The following ERI3 variants were observed in gnomAD, a reference collection of about 807,000 sequenced individuals.
ERI3 encodes the protein ERI1 exoribonuclease 3.
ERI3 carries 18 observed loss-of-function variants against 44.4 expected under a neutral mutation model. The observed-to-expected ratio is 0.41, with a 90% CI of 0.28 to 0.60. The LOEUF (loss-of-function observed/expected upper bound fraction) is 0.60. Ranked by LOEUF, ERI3 falls within the 20% of genes least tolerant of loss-of-function variation. The pLI, the probability that ERI3 is intolerant of heterozygous loss-of-function variation, is 0.36. For synonymous variants in ERI3, 183 were observed against 164.8 expected (o/e 1.11, Z -0.84); for missense variants, 294 against 435.5 (o/e 0.68, Z 2.89).
intron 8 of ERI3, among the ~76,000 whole-genome samples, chr1:44,222,592 C>G (rs972348504): frequency 6.6e-6 from 1 of 152,182 alleles, no homozygotes; most frequent in Admixed American, 6.5e-5. Flanking sequence ...TGTTTCACCA[C>G]CACCACCACC....
intron 5 of ERI3, among the ~76,000 whole-genome samples, chr1:44,311,102 C>A (rs1317421500): frequency 1.3e-5 from 2 of 151,898 alleles, no homozygotes; most frequent in East Asian, 1.9e-4. Context: ...AGCATAACCT[C>A]CCCCAAGCTC....
At chr1:44,343,928 A>T (rs1039100329) in intron 2 of ERI3, among the ~76,000 whole-genome samples, 1 of 152,012 alleles carries the variant, frequency 6.6e-6, no homozygotes, top group Non-Finnish European at 1.5e-5. Flanking sequence ...GCTGTTTCAA[A>T]CGTTTTTTTA....
chr1:44,266,518 G>A (rs1644993811), intron 7 of ERI3, among the ~76,000 whole-genome samples: 1 of 152,206 alleles, frequency 6.6e-6, no homozygotes, highest in African/African-American at 2.4e-5. Context: ...ACAGTTCAAA[G>A]GGGATGGTTT....
At chr1:44,230,554 T>G (rs1043217699) in intron 8 of ERI3, 1 of 152,232 alleles carries the variant, frequency 6.6e-6, no homozygotes, top group African/African-American at 2.4e-5. Flanking sequence ...CTTTGCAAAA[T>G]GAGGACACTG....
intron 3 of ERI3, among the ~76,000 whole-genome samples, chr1:44,335,628 G>A (rs148526491): frequency 1.5e-4 from 22 of 151,678 alleles, no homozygotes; most frequent in African/African-American, 4.6e-4. Flanking sequence ...GCATGGTGGC[G>A]CATGCCTGTA....
intron 7 of ERI3, among the ~76,000 whole-genome samples, chr1:44,259,268 G>GCTGGCTGC (rs1210796265): frequency 1.3e-5 from 2 of 152,060 alleles, no homozygotes; most frequent in African/African-American, 2.4e-5. Flanking sequence ...GTAGAAGCTG[G>GCTGGCTGC]CTGGCTGCCT....
intron 5 of ERI3, among the ~76,000 whole-genome samples, chr1:44,308,727 C>T (rs1188737754): frequency 6.6e-6 from 1 of 152,198 alleles, no homozygotes; most frequent in African/African-American, 2.4e-5. Context: ...TCATTGGTCC[C>T]CTGGCCCAGC....
At chr1:44,334,848 G>A (rs971645273) in intron 3 of ERI3, among the ~76,000 whole-genome samples, 9 of 152,180 alleles carry the variant, frequency 5.9e-5, no homozygotes, top group Non-Finnish European at 1.0e-4. Context: ...TTAGTTTTTC[G>A]TGATGGCATT....
At chr1:44,342,830 T>TATAA (rs1553201373) in intron 2 of ERI3, among the ~76,000 whole-genome samples, 777 of 27,744 alleles carry the variant, frequency 0.028, 65 homozygotes, top group Non-Finnish European at 0.036. Flanking sequence ...TATATATATA[T>TATAA]ATATATATAT....
rs113743737 is a variant in ERI3, at chr1:44,348,643, T to C, written c.211+4207A>G. Among the ~76,000 whole-genome samples, 12 of 152,370 alleles carry C rather than the reference T, an allele frequency of 7.9e-5. 1 individual carries two copies. The highest frequency in any genetic ancestry group is 2.9e-4 in the African/African-American group (12 of 41,592). ...GTCTGCTTCCCAACAGTTCTGGTTC[T>C]AGCAATCATTAATTAAAACCCAACA... On this transcript the variant is annotated intron_variant, in intron 2 of 8. Coordinates refer to ENST00000372257, the MANE Select transcript of ERI3 (RefSeq NM_024066.3).
chr1:44,272,875 A>C (rs1645115153), intron 7 of ERI3, among the ~76,000 whole-genome samples: 1 of 151,788 alleles, frequency 6.6e-6, no homozygotes, highest in Non-Finnish European at 1.5e-5. Context: ...ATAAAATAAA[A>C]TAAAATAAAC....
chr1:44,266,431 T>C (rs1644992493), intron 7 of ERI3, among the ~76,000 whole-genome samples: 1 of 152,198 alleles, frequency 6.6e-6, no homozygotes, highest in Non-Finnish European at 1.5e-5. Context: ...CAGTAGACAC[T>C]AAGATTTTTC....
In ERI3 at chr1:44,275,645, G is replaced by A. The variant is rs535123242; in HGVS notation, c.831+9190C>T. Among the ~76,000 whole-genome samples the A allele has an allele frequency of 2.1e-4, 32 of 152,294 alleles. No homozygotes were observed. In the East Asian group the frequency reaches 3.5e-3, roughly 17 times the overall value. On this transcript the variant is annotated intron_variant, in intron 7 of 8. Transcript: ENST00000372257. ...AGCTGGTCCTCATCCAATCCTCTTC[G>A]GAGCACCCAGAAATTGCAGCAAGGC...
rs1427651194 is a variant in ERI3 at position 44,241,234 on chromosome 1, T to C, written c.931+6705A>G. Among the ~76,000 whole-genome samples, 2 of 152,144 alleles carry C rather than the reference T, an allele frequency of 1.3e-5. No homozygotes were observed. The highest frequency in any genetic ancestry group is 4.8e-5 in the African/African-American group (2 of 41,416). On this transcript the variant is annotated intron_variant, in intron 8 of 8. Transcript: ENST00000372257. The surrounding 1 kb of genome is among the most constrained non-coding windows in gnomAD (Gnocchi z 5.6). ...ATGAAAACACAAACTACAGATATTG[T>C]GTTTTCAGGGAGTGAAGGTGGGGAG...
chr1:44,224,240 C>T (rs192902480), intron 8 of ERI3, among the ~76,000 whole-genome samples: 1 of 152,318 alleles, frequency 6.6e-6, no homozygotes, highest in African/African-American at 2.4e-5. Flanking sequence ...TGATCATGTT[C>T]TTCTTCCTTA....
intron 7 of ERI3, among the ~76,000 whole-genome samples, chr1:44,268,047 C>A (rs1277737293): frequency 6.6e-6 from 1 of 152,182 alleles, no homozygotes; most frequent in Non-Finnish European, 1.5e-5. Context: ...TCCTCTGTCT[C>A]TTGTAAATTT....
At chr1:44,223,041 AG>A (rs1203573583) in intron 8 of ERI3, among the ~76,000 whole-genome samples, 1 of 152,234 alleles carries the variant, frequency 6.6e-6, no homozygotes, top group Admixed American at 6.5e-5. Flanking sequence ...TGCTTTGGGC[AG>A]GCAAGTCAGA....
chr1:44,305,115 C>A (rs1412107984), intron 6 of ERI3, among the ~76,000 whole-genome samples: 2 of 152,208 alleles, frequency 1.3e-5, no homozygotes, highest in Non-Finnish European at 2.9e-5. Context: ...AGCTCTTTCC[C>A]TCCAGTCTTT....
chr1:44,355,007 G>C lies in ERI3; in HGVS notation c.20C>G (p.Ala7Gly), dbSNP rs201296029. 251 of 1,387,370 alleles carry C rather than the reference G, an allele frequency of 1.8e-4. 1 individual carries two copies. Among genetic ancestry groups the C allele is most frequent in the Middle Eastern group, 3.9e-4 (2 of 5,064 alleles). 85.9% of individuals were successfully genotyped at this position (1,387,370 alleles called of 1,614,324 possible). A position where few individuals can be genotyped will look rare whatever the true frequency, so the allele number is the denominator to read the frequency against. Residue 7 changes from alanine to glycine, a missense_variant, in exon 1 of 9, where the codon GCT becomes GGT. By Grantham distance (60) the Ala-to-Gly change is moderately conservative. Coordinates refer to ENST00000372257, the MANE Select transcript of ERI3 (RefSeq NM_024066.3). MATASP[A>G]ADGGRGRPWE... Reference sequence around the variant, plus strand: ...GGGCCGCCCCCGCCCCCCGTCAGCAGCGGGAGAGGCTGTCGCCATGGCAAC... The same window carrying C: ...GGGCCGCCCCCGCCCCCCGTCAGCACCGGGAGAGGCTGTCGCCATGGCAAC...
Sources: allele counts gnomAD v4.1 joint callset (sites outside exome capture counted in the v4.1 genomes callset), GRCh38; gene constraint gnomAD v4.1.1; non-coding constraint Gnocchi (gnomAD v3.1); transcripts MANE v1.5; gene names NCBI Gene and HGNC (gene_info 2026-07-23, HGNC 2026-07-21).